The following NOSIP variants were observed in gnomAD, a reference collection of about 807,000 sequenced individuals.
NOSIP encodes nitric oxide synthase-interacting protein.
In NOSIP, 25 loss-of-function variants were observed where a neutral mutation model predicts 36.4. The observed-to-expected ratio is 0.69, with a 90% CI of 0.50 to 0.96. The LOEUF (loss-of-function observed/expected upper bound fraction) is 0.96, where lower values mean the gene tolerates loss of function less well. Among genes scored for constraint, NOSIP ranks in the 40% least tolerant of loss-of-function variants. The pLI is 0.00. For missense variants in NOSIP, 370 were observed against 429.0 expected, an observed-to-expected ratio of 0.86 and a Z score of 1.21; for synonymous variants, 187 against 179.2, an observed-to-expected ratio of 1.04 and a Z score of -0.35.
Position 49,558,972 on chromosome 19 carries a change from A to G in NOSIP, c.183T>C (p.Asp61=). The G allele has an allele frequency of 6.2e-7, 1 of 1,613,510 alleles. No individual in the cohort carries two copies. Among genetic ancestry groups the G allele is most frequent in the East Asian group, 2.2e-5 (1 of 44,802 alleles). ...TGGCCTCACGCTCATACAGGTAGCC[A>G]TCTGGGCTGCAAAGACAGGGTGCAA... ...QPCHDPVVTP[D]GYLYEREAIL... Residue 61 remains aspartate (D), a synonymous_variant, in exon 4 of 9, where the codon GAT becomes GAC. Coordinates refer to ENST00000596358, the MANE Select transcript of NOSIP (RefSeq NM_001270960.2).
At chr19:49,561,718 C>T (rs1411234877) in intron 1 of NOSIP, among the ~76,000 whole-genome samples, 1 of 152,020 alleles carries the variant, frequency 6.6e-6, no homozygotes, top group Non-Finnish European at 1.5e-5. Context: ...CCCGTCTCTA[C>T]TAAAAATACA....
Position 49,560,520 on chromosome 19 carries a change from G to A in NOSIP, c.70+102C>T, listed in dbSNP as rs938220602. On this transcript the variant is annotated intron_variant, in intron 2 of 8. Coordinates refer to ENST00000596358, the MANE Select transcript of NOSIP (RefSeq NM_001270960.2). The surrounding 1 kb of genome is among the most constrained non-coding windows in gnomAD (Gnocchi z 4.6). ...ATGGCCATCAGTGTATATCGGGGGC[G>A]GGAGAGAGACAGGGACAGAGGAAGC... 3.5e-5 allele frequency: 29 copies of A among 840,168 alleles called. No individual in the cohort carries two copies. The highest frequency in any genetic ancestry group is 4.4e-4 in the Middle Eastern group (2 of 4,496). The allele number at this position is 840,168 out of a possible 1,614,324, so 52.0% of individuals were successfully genotyped here. A position where few individuals can be genotyped will look rare whatever the true frequency, so the allele number is the denominator to read the frequency against.
chr19:49,577,071 C>T (rs749782359), intron 1 of NOSIP, among the ~76,000 whole-genome samples: 6 of 151,996 alleles, frequency 3.9e-5, no homozygotes, highest in Non-Finnish European at 5.9e-5. Context: ...GACACCAGTT[C>T]ACACCCCCTA....
intron 1 of NOSIP, among the ~76,000 whole-genome samples, chr19:49,577,624 C>T (rs1389380142): frequency 4.6e-5 from 7 of 150,650 alleles, no homozygotes; most frequent in Non-Finnish European, 1.0e-4. Flanking sequence ...GCTGGCTGGG[C>T]GCCGATGGCT....
intron 1 of NOSIP, chr19:49,566,729 C>T (rs932352302): frequency 6.6e-6 from 1 of 152,000 alleles, no homozygotes; most frequent in African/African-American, 2.4e-5. Flanking sequence ...CTACAGATTT[C>T]TTTGTTCCTT....
chr19:49,566,312 G>A (rs1009940233), intron 1 of NOSIP, among the ~76,000 whole-genome samples: 4 of 152,012 alleles, frequency 2.6e-5, no homozygotes, highest in Admixed American at 2.0e-4. Context: ...GAGCCACTGC[G>A]CCCGGCCTTT....
At chr19:49,561,478 T>C (rs1042130948) in intron 1 of NOSIP, among the ~76,000 whole-genome samples, 1 of 152,234 alleles carries the variant, frequency 6.6e-6, no homozygotes, top group African/African-American at 2.4e-5. Flanking sequence ...GTCAACATTT[T>C]GCCACCTTAC....
rs775904295 is a variant in NOSIP at position 49,555,811 on chromosome 19, G to C, written c.846C>G (p.Gly282=). The C allele has an allele frequency of 8.7e-6, 14 of 1,613,520 alleles. 1 individual carries two copies. The South Asian group carries it at 1.5e-4, about 18-fold the overall frequency. ...DIIVLQRGGT[G]FAGSGVKLQA... ...GCAGCTTCACTCCGGAGCCCGCGAA[G>C]CCGGTACCGCCCTGGGGGAGGTAGA... The change falls in exon 9 of 9, where the codon GGC becomes GGG. Residue 282 remains glycine (G), a synonymous_variant. Coordinates refer to ENST00000596358, the MANE Select transcript of NOSIP (RefSeq NM_001270960.2).
At chr19:49,577,472 G>C (rs948100140) in intron 1 of NOSIP, among the ~76,000 whole-genome samples, 3 of 151,908 alleles carry the variant, frequency 2.0e-5, no homozygotes, top group African/African-American at 7.3e-5. Context: ...CAGGAGAGTC[G>C]CTCAAACCTG....
rs750412036 is a variant in NOSIP at position 49,560,467 on chromosome 19, G to C, written c.70+155C>G. ...CAGTGCCGGGCCACATGGGGTCATG[G>C]GATCACCCAGCTGTTGTTTACATGG... On this transcript the variant is annotated intron_variant, in intron 2 of 8. Transcript: ENST00000596358. This position sits in a 1 kb window ranked among gnomAD's most constrained non-coding sequence, Gnocchi z 4.6. 1.5e-6 allele frequency: 1 copy of C among 647,074 alleles called. No individual in the cohort carries two copies. The highest frequency in any genetic ancestry group is 2.3e-5 in the Admixed American group (1 of 43,614). The allele number at this position is 647,074 out of a possible 1,614,324, so 40.1% of individuals were successfully genotyped here.
intron 4 of NOSIP, chr19:49,557,571 G>A (rs1026438339): frequency 8.2e-7 from 1 of 1,216,022 alleles, no homozygotes; most frequent in Non-Finnish European, 1.0e-6. Context: ...CATAAGGTGA[G>A]TGTTTACAGC....
intron 1 of NOSIP, among the ~76,000 whole-genome samples, chr19:49,569,815 CA>C (rs1227182148): frequency 6.9e-6 from 1 of 145,850 alleles, no homozygotes; most frequent in Non-Finnish European, 1.5e-5. Flanking sequence ...TCTCAAAAAA[CA>C]AAAACAACAA....
Position 49,555,503 on chromosome 19 carries a change from CTA to C in NOSIP, c.*246_*247del, listed in dbSNP as rs1162056382. Among the ~76,000 whole-genome samples the C allele has an allele frequency of 6.6e-6, 1 of 152,212 alleles. No individual in the cohort carries two copies. Among genetic ancestry groups the C allele is most frequent in the African/African-American group, 2.4e-5 (1 of 41,466 alleles). ...CGAACTCCTGACCTCAAGTGATACG[CTA>C]GCCTCGGCCTCCGAAAGTGCTGGGA... On this transcript the variant is annotated 3_prime_UTR_variant, in exon 9 of 9. Coordinates refer to ENST00000596358, the MANE Select transcript of NOSIP (RefSeq NM_001270960.2).
rs1332055186 is a variant in NOSIP at position 49,577,782 on chromosome 19, A to AG, written c.-2+2732_-2+2733insC. ...CGTGTCTCGGGAAAAAAAAAAAAAA[A>AG]AAGAAGTATTGATACATGCCACAAC... On this transcript the variant is annotated intron_variant, in intron 1 of 8. Coordinates refer to ENST00000596358, the MANE Select transcript of NOSIP (RefSeq NM_001270960.2). Among the ~76,000 whole-genome samples, 30 of 151,602 alleles carry AG rather than the reference A, an allele frequency of 2.0e-4. No homozygotes were observed. The East Asian group carries it at 2.5e-3, about 13-fold the overall frequency.
chr19:49,557,495 TCA>T, intron 4 of NOSIP: 1 of 1,309,960 alleles, frequency 7.6e-7, no homozygotes, highest in Non-Finnish European at 9.9e-7. Flanking sequence ...TCTCCTGGCC[TCA>T]GTTTCTTCAT....
chr19:49,567,007 G>T (rs2080418324), intron 1 of NOSIP, among the ~76,000 whole-genome samples: 1 of 151,290 alleles, frequency 6.6e-6, no homozygotes, highest in Admixed American at 6.6e-5. Context: ...GTAGAGATGG[G>T]GTTTCGCCAT....
chr19:49,568,796 TA>T (rs2080444333), intron 1 of NOSIP, among the ~76,000 whole-genome samples: 3 of 97,782 alleles, frequency 3.1e-5, no homozygotes, highest in South Asian at 2.9e-4. Context: ...AAAAAAAAAA[TA>T]GTTTGTTTGT....
intron 1 of NOSIP, among the ~76,000 whole-genome samples, chr19:49,576,523 G>A (rs982241872): frequency 6.6e-6 from 1 of 151,748 alleles, no homozygotes; most frequent in Non-Finnish European, 1.5e-5. Flanking sequence ...GCTGCAGTGA[G>A]TTATGATCGT....
intron 1 of NOSIP, among the ~76,000 whole-genome samples, chr19:49,571,284 C>T (rs1052464084): frequency 6.6e-6 from 1 of 151,940 alleles, no homozygotes; most frequent in African/African-American, 2.4e-5. Flanking sequence ...CTGCACCCGG[C>T]AAACTCTTTG....
Sources: allele counts gnomAD v4.1 joint callset (sites outside exome capture counted in the v4.1 genomes callset), GRCh38; gene constraint gnomAD v4.1.1; non-coding constraint Gnocchi (gnomAD v3.1); transcripts MANE v1.5; gene names NCBI Gene and HGNC (gene_info 2026-07-23, HGNC 2026-07-21).